PIK3CG: variants seen among roughly 807,000 people sequenced by gnomAD.
PIK3CG encodes the protein phosphatidylinositol 4,5-bisphosphate 3-kinase catalytic subunit gamma isoform.
In PIK3CG, 55 loss-of-function variants were observed where a neutral mutation model predicts 102.3. The ratio of observed to expected loss-of-function variants is 0.54; its 90% CI spans 0.43 to 0.67. The LOEUF is 0.67. Among genes scored for constraint, PIK3CG ranks in the 30% least tolerant of loss-of-function variants. The probability of loss-of-function intolerance (pLI) is 0.00; values close to 1 mark genes in which losing one functional copy is unlikely to be tolerated. For missense variants in PIK3CG, 1,258 were observed against 1,391.8 expected, an observed-to-expected ratio of 0.90 and a Z score of 1.53; for synonymous variants, 552 against 540.0, an observed-to-expected ratio of 1.02 and a Z score of -0.31.
intron 10 of PIK3CG, among the ~76,000 whole-genome samples, chr7:106,904,358 G>A (rs1297248883): frequency 1.3e-5 from 2 of 152,018 alleles, no homozygotes; most frequent in African/African-American, 4.8e-5. Context: ...TCTTTGTCAA[G>A]TTATGGTATT....
In PIK3CG at chr7:106,868,814, T is replaced by C. The variant is rs750484141; in HGVS notation, c.1253T>C (p.Ile418Thr). ...TGGAATGTGTGGCTTGAGTTCAGTA[T>C]CAAAATCAAAGACTTGCCCAAAGGG... ...VLWNVWLEFSIKIKDLPKGAL... is the reference protein window; with the variant it reads ...VLWNVWLEFSTKIKDLPKGAL... The change falls in exon 2 of 11, where the codon ATC becomes ACC. Residue 418 changes from isoleucine to threonine, a missense_variant. Ile to Thr is a moderately conservative substitution (Grantham distance 89). This residue lies in a region of PIK3CG where 832 missense variants were observed against 787.5 expected (regional missense o/e 1.06). Transcript: ENST00000496166. The surrounding 1 kb of genome is among the most constrained non-coding windows in gnomAD (Gnocchi z 6.2). 6.8e-6 allele frequency: 11 copies of C among 1,614,214 alleles called. No individual in the cohort carries two copies. Among genetic ancestry groups the C allele is most frequent in the Non-Finnish European group, 9.3e-6 (11 of 1,180,042 alleles).
At position 106,884,241 on chromosome 7, in the gene PIK3CG, T is replaced by C. The variant is rs892517060; in HGVS notation, c.2847T>C (p.Asn949=). 6.8e-6 allele frequency: 11 copies of C among 1,613,062 alleles called. No homozygotes were observed. In the African/African-American group the frequency reaches 1.3e-4, roughly 20 times the overall value. ...TFVLGIGDRH[N]DNIMITETGN... ...TTCTTGGAATAGGCGACAGACACAATGACAATATTATGATCACCGAGACAG... is the reference window on the plus strand; with the variant it reads ...TTCTTGGAATAGGCGACAGACACAACGACAATATTATGATCACCGAGACAG... Residue 949 remains asparagine, a synonymous_variant, in exon 9 of 11, where the codon AAT becomes AAC. Transcript: ENST00000496166. This position sits in a 1 kb window ranked among gnomAD's most constrained non-coding sequence, Gnocchi z 4.2.
chr7:106,877,763 C>T lies in PIK3CG; in HGVS notation c.2392-1756C>T, dbSNP rs146488211. ...AATGTCTGTCCTTACATCAATACCA[C>T]ACATTCTTGATTATGTTTAAATAAC... is the stretch of plus-strand genomic sequence containing the variant. On this transcript the variant is annotated intron_variant, in intron 5 of 10. Coordinates refer to ENST00000496166, the MANE Select transcript of PIK3CG (RefSeq NM_001282426.2). The surrounding 1 kb of genome is among the most constrained non-coding windows in gnomAD (Gnocchi z 4.5). Among the ~76,000 whole-genome samples, 362 of 152,294 alleles carry T rather than the reference C, an allele frequency of 2.4e-3. 3 individuals are homozygous for T. Among genetic ancestry groups the T allele is most frequent in the African/African-American group, 8.4e-3 (349 of 41,544 alleles).
intron 6 of PIK3CG, among the ~76,000 whole-genome samples, chr7:106,881,460 G>A (rs970856734): frequency 6.6e-6 from 1 of 152,150 alleles, no homozygotes; most frequent in Non-Finnish European, 1.5e-5. Context: ...ATAAATATGT[G>A]TAAGGATGTT....
rs569475886 is a variant in PIK3CG, at chr7:106,907,732, A to G, written c.*2345A>G. 2.5e-4 allele frequency among the ~76,000 whole-genome samples: 36 copies of G among 146,808 alleles called. No homozygotes were observed. Among genetic ancestry groups the G allele is most frequent in the African/African-American group, 8.6e-4 (35 of 40,728 alleles). On this transcript the variant is annotated 3_prime_UTR_variant, in exon 11 of 11. Coordinates refer to ENST00000496166, the MANE Select transcript of PIK3CG (RefSeq NM_001282426.2). ...TTCTTTCATTTCATTATGCTAATAT[A>G]TATATATAACATATATATGCTAATA...
rs1791582483 is a variant in PIK3CG, at chr7:106,902,418, A to G, written c.3031-2691A>G. ...GTAACCACCATCACAATTAAGTTAT[A>G]TAACATTTATAAGCACTTTAAAGCT... is the stretch of plus-strand genomic sequence containing the variant. On this transcript the variant is annotated intron_variant, in intron 10 of 10. Transcript: ENST00000496166. The surrounding 1 kb of genome is among the most constrained non-coding windows in gnomAD (Gnocchi z 4.3). Among the ~76,000 whole-genome samples the G allele has an allele frequency of 6.6e-6, 1 of 152,166 alleles. No homozygotes were observed.
rs1367528542 is a variant in PIK3CG at position 106,869,264 on chromosome 7, C to G, written c.1703C>G (p.Thr568Arg). 6.2e-7 allele frequency: 1 copy of G among 1,614,244 alleles called. No homozygotes were observed. The highest frequency in any genetic ancestry group is 1.1e-5 in the South Asian group (1 of 91,088). ...IIATDPLNPL[T>R]AEDKELLWHF... The stretch of plus-strand genomic sequence containing the variant: ...GCCACTGATCCACTTAACCCTCTCA[C>G]AGCAGAGGACAAAGAATTGCTCTGG... Residue 568 changes from threonine to arginine, a missense_variant, in exon 2 of 11, where the codon ACA becomes AGA. Coordinates refer to ENST00000496166, the MANE Select transcript of PIK3CG (RefSeq NM_001282426.2). The surrounding 1 kb of genome is among the most constrained non-coding windows in gnomAD (Gnocchi z 5.3).
At position 106,894,639 on chromosome 7, in the gene PIK3CG, C is replaced by G. The variant is rs372866384; in HGVS notation, c.3030+8347C>G. ...AAACAAAATAACAAAATAAAATTCT[C>G]TGCCTTTGACTGGAATGATTTTTAT... On this transcript the variant is annotated intron_variant, in intron 10 of 10. Transcript: ENST00000496166. This position sits in a 1 kb window ranked among gnomAD's most constrained non-coding sequence, Gnocchi z 4.4. 1.7e-4 allele frequency among the ~76,000 whole-genome samples: 26 copies of G among 152,302 alleles called. No homozygotes were observed. In the South Asian group the frequency reaches 5.4e-3, roughly 32 times the overall value.
chr7:106,892,497 A>G lies in PIK3CG; in HGVS notation c.3030+6205A>G, dbSNP rs1791291217. Among the ~76,000 whole-genome samples, 1 of 152,242 alleles carries G rather than the reference A, an allele frequency of 6.6e-6. No individual in the cohort carries two copies. Among genetic ancestry groups the G allele is most frequent in the Non-Finnish European group, 1.5e-5 (1 of 68,042 alleles). ...CCCCTTTCAAATACAGTTGTTCCCT[A>G]ATTCATCCTGATTTTAAAGTAGTGA... is the stretch of plus-strand genomic sequence containing the variant. On this transcript the variant is annotated intron_variant, in intron 10 of 10. Coordinates refer to ENST00000496166, the MANE Select transcript of PIK3CG (RefSeq NM_001282426.2). The surrounding 1 kb of genome is among the most constrained non-coding windows in gnomAD (Gnocchi z 5.2).
rs111931702 is a variant in PIK3CG, at chr7:106,878,337, G to A, written c.2392-1182G>A. 1.6e-3 allele frequency among the ~76,000 whole-genome samples: 250 copies of A among 152,176 alleles called. 1 individual carries two copies. The highest frequency in any genetic ancestry group is 5.8e-3 in the African/African-American group (240 of 41,506). On this transcript the variant is annotated intron_variant, in intron 5 of 10. Transcript: ENST00000496166. ...TTTGATTATGATGTACCCTGGTATG[G>A]GTTTCCTTTGTGTTTAGGCTGCTGG...
rs1476221984 is a variant in PIK3CG at position 106,895,122 on chromosome 7, T to TC, written c.3030+8834dup. ...AATGGCATTAATAATAATGTAATGT[T>TC]CCCCACATTTGTAGTCATTAACAAG... On this transcript the variant is annotated intron_variant, in intron 10 of 10. Transcript: ENST00000496166. The surrounding 1 kb of genome is among the most constrained non-coding windows in gnomAD (Gnocchi z 5.4). Among the ~76,000 whole-genome samples, 1 of 152,204 alleles carries TC rather than the reference T, an allele frequency of 6.6e-6. No individual in the cohort carries two copies. The highest frequency in any genetic ancestry group is 2.4e-5 in the African/African-American group (1 of 41,440).
Position 106,869,455 on chromosome 7 carries a change from GACTGCA to G in PIK3CG, c.1898_1903del (p.Cys633_Asn634del), listed in dbSNP as rs755882493. 9.3e-6 allele frequency: 15 copies of G among 1,614,124 alleles called. No homozygotes were observed. The highest frequency in any genetic ancestry group is 1.7e-5 in the Admixed American group (1 of 60,024). On this transcript the variant is annotated inframe_deletion, in exon 2 of 11. Coordinates refer to ENST00000496166, the MANE Select transcript of PIK3CG (RefSeq NM_001282426.2). This position sits in a 1 kb window ranked among gnomAD's most constrained non-coding sequence, Gnocchi z 5.3. ...TGTTGGGTTAACAATGCAGCTCCTG[GACTGCA>G]ACTTCTCAGATGAAAATGTAAGAGC...
intron 4 of PIK3CG, among the ~76,000 whole-genome samples, chr7:106,873,694 G>C (rs1236195038): frequency 1.3e-5 from 2 of 151,792 alleles, no homozygotes; most frequent in African/African-American, 4.8e-5. Context: ...AATCCTTACA[G>C]ACAGCAAGAG....
In PIK3CG at chr7:106,892,917, A is replaced by C. The variant is rs533547972; in HGVS notation, c.3030+6625A>C. Among the ~76,000 whole-genome samples the C allele has an allele frequency of 1.3e-5, 2 of 152,316 alleles. No homozygotes were observed. Among genetic ancestry groups the C allele is most frequent in the East Asian group, 3.9e-4 (2 of 5,186 alleles). ...AAAGTACATACAATCAGTATTTAGG[A>C]ACAAGAAGTATATTTACCTGGTATG... On this transcript the variant is annotated intron_variant, in intron 10 of 10. Coordinates refer to ENST00000496166, the MANE Select transcript of PIK3CG (RefSeq NM_001282426.2). The surrounding 1 kb of genome is among the most constrained non-coding windows in gnomAD (Gnocchi z 5.2).
rs1790456309 is a variant in PIK3CG at position 106,869,457 on chromosome 7, C to A, written c.1896C>A (p.Asp632Glu). The A allele has an allele frequency of 1.2e-6, 2 of 1,614,078 alleles. No homozygotes were observed. The highest frequency in any genetic ancestry group is 1.7e-5 in the Admixed American group (1 of 60,014). Reference sequence around the variant, plus strand: ...TTGGGTTAACAATGCAGCTCCTGGACTGCAACTTCTCAGATGAAAATGTAA... The same window carrying A: ...TTGGGTTAACAATGCAGCTCCTGGAATGCAACTTCTCAGATGAAAATGTAA... Reference protein sequence around the residue: ...LDVGLTMQLLDCNFSDENVRA... With the variant: ...LDVGLTMQLLECNFSDENVRA... Residue 632 changes from aspartate (D) to glutamate (E), a missense_variant, in exon 2 of 11, where the codon GAC becomes GAA. This residue lies in a region of PIK3CG where 426 missense variants were observed against 604.2 expected (regional missense o/e 0.71). Transcript: ENST00000496166. This position sits in a 1 kb window ranked among gnomAD's most constrained non-coding sequence, Gnocchi z 5.3.
rs867825837 is a variant in PIK3CG, at chr7:106,903,648, C to A, written c.3031-1461C>A. Among the ~76,000 whole-genome samples the A allele has an allele frequency of 3.3e-5, 5 of 151,778 alleles. No homozygotes were observed. Among genetic ancestry groups the A allele is most frequent in the Middle Eastern group, 3.4e-3 (1 of 294 alleles). On this transcript the variant is annotated intron_variant, in intron 10 of 10. Coordinates refer to ENST00000496166, the MANE Select transcript of PIK3CG (RefSeq NM_001282426.2). The surrounding 1 kb of genome is among the most constrained non-coding windows in gnomAD (Gnocchi z 4.3). ...TCTATTTATTAATTTTTATAAAAAC[C>A]TAGTTTATTAAAAACTACTTACAGT...
rs372642077 is a variant in PIK3CG, at chr7:106,867,887, T to C, written c.326T>C (p.Ile109Thr). Residue 109 changes from isoleucine (I) to threonine (T), a missense_variant, in exon 2 of 11, where the codon ATC (isoleucine) becomes ACC (threonine). Physicochemically the swap from Ile to Thr is moderately conservative, Grantham distance 89 (BLOSUM62 -1). Coordinates refer to ENST00000496166, the MANE Select transcript of PIK3CG (RefSeq NM_001282426.2). This position sits in a 1 kb window ranked among gnomAD's most constrained non-coding sequence, Gnocchi z 5.1. ...CAGAAGAAGGGGCAGTGGTACGAGA[T>C]CTACGACAAGTACCAGGTGGTGCAG... Reference protein sequence around the residue: ...LYQKKGQWYEIYDKYQVVQTL... With the variant: ...LYQKKGQWYETYDKYQVVQTL... 3 of 1,612,928 alleles carry C rather than the reference T, an allele frequency of 1.9e-6. No homozygotes were observed. Among genetic ancestry groups the C allele is most frequent in the East Asian group, 2.2e-5 (1 of 44,838 alleles).
In PIK3CG at chr7:106,872,749, A is replaced by C. The variant is rs1790578966; in HGVS notation, c.2098A>C (p.Arg700=). 6.2e-7 allele frequency: 1 copy of C among 1,614,018 alleles called. No homozygotes were observed. The highest frequency in any genetic ancestry group is 1.3e-5 in the African/African-American group (1 of 74,912). The change falls in exon 4 of 11, where the codon AGA becomes CGA. Residue 700 remains arginine, a synonymous_variant. Transcript: ENST00000496166. This position sits in a 1 kb window ranked among gnomAD's most constrained non-coding sequence, Gnocchi z 5.3. ...TGGTCACTTTTTGTTTTGGTTCTTG[A>C]GAAGTGAGATAGCCCAGTCCAGACA... ...RIGHFLFWFL[R]SEIAQSRHYQ...
rs572188562 is a variant in PIK3CG, at chr7:106,895,266, G to T, written c.3030+8974G>T. On this transcript the variant is annotated intron_variant, in intron 10 of 10. Transcript: ENST00000496166. The surrounding 1 kb of genome is among the most constrained non-coding windows in gnomAD (Gnocchi z 5.4). ...TGAGGATGTTTGAGGTCAAGGAGAG[G>T]CAGCCCTGGCAGAAGGGAAAATTAC... is the stretch of plus-strand genomic sequence containing the variant. 3.4e-4 allele frequency among the ~76,000 whole-genome samples: 52 copies of T among 152,296 alleles called. No individual in the cohort carries two copies. The South Asian group carries it at 0.01, about 30-fold the overall frequency.
Sources: gnomAD v4.1 joint callset for allele counts (sites outside exome capture counted in the v4.1 genomes callset) on GRCh38, gnomAD v4.1.1 for gene constraint, gnomAD v4.1.1 regional missense constraint, Gnocchi (gnomAD v3.1) non-coding constraint, MANE v1.5 for transcripts, NCBI Gene and HGNC (gene_info 2026-07-23, HGNC 2026-07-21) for gene names.